LIMD1: variants seen among roughly 807,000 people sequenced by gnomAD.
LIMD1 encodes LIM domain-containing protein 1.
A neutral mutation model predicts 58.4 loss-of-function variants in LIMD1; 23 were observed. The observed-to-expected ratio is 0.39, with a 90% CI of 0.28 to 0.56. The LOEUF (loss-of-function observed/expected upper bound fraction) is 0.56. Among genes scored for constraint, LIMD1 ranks in the 20% least tolerant of loss-of-function variants. LIMD1 has a pLI of 0.57. For synonymous variants in LIMD1, 334 were observed against 345.5 expected (o/e 0.97, Z 0.37); for missense variants, 838 against 855.5 (o/e 0.98, Z 0.25).
intron 1 of LIMD1, among the ~76,000 whole-genome samples, chr3:45,626,559 A>G (rs1049361191): frequency 3.5e-4 from 54 of 152,238 alleles, no homozygotes; most frequent in Admixed American, 2.8e-3. Context: ...AAAAGGATCA[A>G]TGGTTGCCAG....
intron 1 of LIMD1, among the ~76,000 whole-genome samples, chr3:45,630,931 C>T (rs1018277358): frequency 2.6e-5 from 4 of 152,146 alleles, no homozygotes; most frequent in African/African-American, 4.8e-5. Context: ...TGGCTAGGTG[C>T]GGTGGCTCAC....
rs1701330076 is a variant in LIMD1 at position 45,595,095 on chromosome 3, G to A, written c.216G>A (p.Arg72=). 2 of 1,612,662 alleles carry A rather than the reference G, an allele frequency of 1.2e-6. No individual in the cohort carries two copies. The highest frequency in any genetic ancestry group is 1.7e-6 in the Non-Finnish European group (2 of 1,179,544). The change falls in exon 1 of 8, where the codon AGG becomes AGA. Residue 72 remains arginine (R), a synonymous_variant. Coordinates refer to ENST00000273317, the MANE Select transcript of LIMD1 (RefSeq NM_014240.3). ...QQLLQEETLP[R]GSRGPVNGGG... ...TCCTGCAGGAGGAGACTCTGCCCAG[G>A]GGGAGTAGAGGCCCTGTCAATGGAG... is the stretch of plus-strand genomic sequence containing the variant.
In LIMD1 at chr3:45,630,662, C is replaced by A. The variant is rs566390167; in HGVS notation, c.1409-5488C>A. 1.1e-4 allele frequency among the ~76,000 whole-genome samples: 17 copies of A among 152,028 alleles called. No individual in the cohort carries two copies. The South Asian group carries it at 3.5e-3, about 32-fold the overall frequency. ...GGCAGGGCTGGTCTGGGGTCTGAAT[C>A]CCTGATGAGGTGATATGTTATGGGG... On this transcript the variant is annotated intron_variant, in intron 1 of 7. Coordinates refer to ENST00000273317, the MANE Select transcript of LIMD1 (RefSeq NM_014240.3).
chr3:45,643,417 G>A (rs1027822906), intron 2 of LIMD1, among the ~76,000 whole-genome samples: 1 of 151,862 alleles, frequency 6.6e-6, no homozygotes, highest in Admixed American at 6.6e-5. Flanking sequence ...CCCAGGAGGC[G>A]GAGTTTTCAG....
intron 2 of LIMD1, among the ~76,000 whole-genome samples, chr3:45,649,032 T>C (rs1701935605): frequency 6.6e-6 from 1 of 152,226 alleles, no homozygotes; most frequent in African/African-American, 2.4e-5. Context: ...GCACAAAGGC[T>C]TTAAATTTTG....
intron 1 of LIMD1, among the ~76,000 whole-genome samples, chr3:45,602,770 C>A (rs1469431484): frequency 6.6e-6 from 1 of 152,086 alleles, no homozygotes; most frequent in African/African-American, 2.4e-5. Context: ...TGCATGTCTA[C>A]ATGACTACAG....
At chr3:45,665,811 C>T (rs1299620363) in intron 3 of LIMD1, 94 bp downstream of exon 3, 2 of 1,066,066 alleles carry the variant, frequency 1.9e-6, no homozygotes, top group Admixed American at 4.1e-5. Context: ...AGGGAAGCTG[C>T]ACTGCTGGAG....
In LIMD1 at chr3:45,636,184, G is replaced by T; in HGVS notation, c.1443G>T (p.Gly481=). Residue 481 remains glycine (G), a synonymous_variant, in exon 2 of 8, where the codon GGG becomes GGT. Transcript: ENST00000273317. ...TGAAATGCAGCAAAGGGGTGTTTGG[G>T]GCTGGCCAGGCCTGTCAGGCCATGG... The part of the protein sequence containing the change: ...ACVKCSKGVF[G]AGQACQAMGN... 6.2e-7 allele frequency: 1 copy of T among 1,613,226 alleles called. No homozygotes were observed. Among genetic ancestry groups the T allele is most frequent in the Non-Finnish European group, 8.5e-7 (1 of 1,179,528 alleles).
chr3:45,645,058 A>G (rs1029562879), intron 2 of LIMD1, among the ~76,000 whole-genome samples: 1 of 152,254 alleles, frequency 6.6e-6, no homozygotes, highest in Non-Finnish European at 1.5e-5. Context: ...GCTGAAGATC[A>G]AGAATGTGAG....
chr3:45,669,092 C>T (rs568093884), intron 4 of LIMD1, among the ~76,000 whole-genome samples: 3 of 152,318 alleles, frequency 2.0e-5, no homozygotes, highest in Non-Finnish European at 4.4e-5. Flanking sequence ...GTTTTTAGGG[C>T]CTGTCATTTA....
intron 1 of LIMD1, among the ~76,000 whole-genome samples, chr3:45,631,694 G>A (rs1400098831): frequency 6.6e-6 from 1 of 152,242 alleles, no homozygotes; most frequent in Non-Finnish European, 1.5e-5. Context: ...TGTGGAGAGA[G>A]GGGAGGAAGC....
At chr3:45,618,693 C>T (rs997464759) in intron 1 of LIMD1, among the ~76,000 whole-genome samples, 1 of 152,140 alleles carries the variant, frequency 6.6e-6, no homozygotes, top group Non-Finnish European at 1.5e-5. Flanking sequence ...TCACCGCTAC[C>T]CTGTGAGATG....
At position 45,672,731 on chromosome 3, in the gene LIMD1, C is replaced by A; in HGVS notation, c.1683C>A (p.Phe561Leu). 1 of 1,614,088 alleles carries A rather than the reference C, an allele frequency of 6.2e-7. No homozygotes were observed. The highest frequency in any genetic ancestry group is 8.5e-7 in the Non-Finnish European group (1 of 1,179,980). Residue 561 changes from phenylalanine (F) to leucine (L), a missense_variant, in exon 5 of 8, where the codon TTC (phenylalanine) becomes TTA (leucine). Phe to Leu is a conservative substitution (Grantham distance 22, BLOSUM62 0). This residue lies in a region of LIMD1 where 174 missense variants were observed against 197.4 expected (regional missense o/e 0.88). Coordinates refer to ENST00000273317, the MANE Select transcript of LIMD1 (RefSeq NM_014240.3). ...ALGKSYHPGC[F>L]RCVICNECLD... is the part of the protein sequence containing the mutation. ...GGAAGTCCTACCACCCCGGCTGTTT[C>A]CGCTGTGTCATCTGTAATGAGTGTT...
At chr3:45,597,050 CAG>C (rs1701364120) in intron 1 of LIMD1, among the ~76,000 whole-genome samples, 2 of 150,868 alleles carry the variant, frequency 1.3e-5, no homozygotes, top group East Asian at 2.0e-4. Flanking sequence ...TAAGTAGAGA[CAG>C]GGTTTCACTG....
intron 1 of LIMD1, among the ~76,000 whole-genome samples, chr3:45,627,108 C>G (rs1701674726): frequency 6.6e-6 from 1 of 152,108 alleles, no homozygotes; most frequent in African/African-American, 2.4e-5. Flanking sequence ...CCACTCCATG[C>G]CCAGGGTTCC....
At chr3:45,623,871 T>G (rs956574859) in intron 1 of LIMD1, among the ~76,000 whole-genome samples, 1 of 152,188 alleles carries the variant, frequency 6.6e-6, no homozygotes, top group Admixed American at 6.5e-5. Context: ...GGAGGTAGTG[T>G]TGGGCATTCG....
intron 5 of LIMD1, 97 bp downstream of exon 5, chr3:45,672,917 C>A (rs760141918): frequency 1.4e-6 from 2 of 1,444,860 alleles, no homozygotes; most frequent in Non-Finnish European, 1.9e-6. Context: ...GTTTGCCAGC[C>A]GCCCTTAGAT....
intron 6 of LIMD1, 36 bp from the exon 7 acceptor site, chr3:45,674,307 C>T: frequency 6.3e-7 from 1 of 1,586,910 alleles, no homozygotes; most frequent in Non-Finnish European, 8.7e-7. Context: ...CCCTAACAGG[C>T]CTCTCCTATG....
rs1296193089 is a variant in LIMD1 at position 45,677,764 on chromosome 3, C to T, written c.*705C>T. The T allele has an allele frequency of 6.6e-6, 1 of 152,218 alleles. No homozygotes were observed. The highest frequency in any genetic ancestry group is 2.4e-5 in the African/African-American group (1 of 41,444). The allele number at this position is 152,218 out of a possible 1,614,324, so 9.4% of individuals were successfully genotyped here. On this transcript the variant is annotated 3_prime_UTR_variant, in exon 8 of 8. Coordinates refer to ENST00000273317, the MANE Select transcript of LIMD1 (RefSeq NM_014240.3). ...CTCCTAAAGGCAGCTGAGTCCGCGA[C>T]AGAAATTTGCCCTATGTGAGTAAAA... is the stretch of plus-strand genomic sequence containing the variant.
Sources: allele counts gnomAD v4.1 joint callset (sites outside exome capture counted in the v4.1 genomes callset), GRCh38; gene constraint gnomAD v4.1.1; regional missense constraint gnomAD v4.1.1; transcripts MANE v1.5; gene names NCBI Gene and HGNC (gene_info 2026-07-23, HGNC 2026-07-21).